Variants in GPATCH1 observed in about 807,000 individuals in gnomAD.
The protein encoded by GPATCH1 is G-patch domain containing 1.
Under a neutral mutation model 114.9 loss-of-function variants are expected in GPATCH1, and 73 were observed. The ratio of observed to expected loss-of-function variants is 0.64; its 90% CI spans 0.53 to 0.77. GPATCH1 has a LOEUF of 0.77. GPATCH1 is among the 30% of genes least tolerant of loss of function. GPATCH1 has a pLI of 0.00. For missense variants in GPATCH1, 1,058 were observed against 1,144.3 expected, an observed-to-expected ratio of 0.92 and a Z score of 1.09; for synonymous variants, 391 against 428.4, an observed-to-expected ratio of 0.91 and a Z score of 1.08.
At chr19:33,125,497 G>A (rs1973031239) in intron 18 of GPATCH1, among the ~76,000 whole-genome samples, 1 of 150,712 alleles carries the variant, frequency 6.6e-6, no homozygotes. Context: ...CAATTCTCCT[G>A]CTTCAGCCTC....
intron 3 of GPATCH1, among the ~76,000 whole-genome samples, chr19:33,091,825 A>G (rs1403592300): frequency 2.0e-5 from 3 of 152,154 alleles, no homozygotes; most frequent in Non-Finnish European, 4.4e-5. Flanking sequence ...GAGGGAAGGA[A>G]GTCTCATTCT....
chr19:33,109,967 G>A lies in GPATCH1; in HGVS notation c.1536G>A (p.Lys512=). 1.2e-6 allele frequency: 2 copies of A among 1,614,026 alleles called. No individual in the cohort carries two copies. Among genetic ancestry groups the A allele is most frequent in the Non-Finnish European group, 1.7e-6 (2 of 1,179,972 alleles). The change falls in exon 11 of 20, where the codon AAG becomes AAA. Residue 512 remains lysine, a synonymous_variant. Transcript: ENST00000170564. ...NFKPFAKDPE[K]QKRYDEFLVH... ...AGCCTTTCGCCAAAGATCCGGAAAAGCAAAAGCGATACGACGAGTTCTTAG... is the reference window on the plus strand; with the variant it reads ...AGCCTTTCGCCAAAGATCCGGAAAAACAAAAGCGATACGACGAGTTCTTAG...
At chr19:33,108,444 C>T (rs1386097986) in intron 10 of GPATCH1, among the ~76,000 whole-genome samples, 1 of 152,138 alleles carries the variant, frequency 6.6e-6, no homozygotes, top group African/African-American at 2.4e-5. Flanking sequence ...ATGACACTGC[C>T]TAAGGGCCTT....
Position 33,096,308 on chromosome 19 carries a change from C to T in GPATCH1, c.714C>T (p.Tyr238=). 2 of 1,614,110 alleles carry T rather than the reference C, an allele frequency of 1.2e-6. No homozygotes were observed. Among genetic ancestry groups the T allele is most frequent in the Non-Finnish European group, 1.7e-6 (2 of 1,179,998 alleles). Residue 238 remains tyrosine, a synonymous_variant, in exon 7 of 20, where the codon TAC becomes TAT. Coordinates refer to ENST00000170564, the MANE Select transcript of GPATCH1 (RefSeq NM_018025.3). ...AAGATAATGTGCATGGTCTAGCTTACAAGGGCCTGGATCCCCACCAGGCAC... is the reference window on the plus strand; with the variant it reads ...AAGATAATGTGCATGGTCTAGCTTATAAGGGCCTGGATCCCCACCAGGCAC... ...TPKDNVHGLA[Y]KGLDPHQALF...
chr19:33,112,359 G>A, intron 12 of GPATCH1, 127 bp from the exon 13 acceptor site: 2 of 980,144 alleles, frequency 2.0e-6, no homozygotes. Context: ...CCAATGTACT[G>A]GAGCATAAAT....
intron 1 of GPATCH1, among the ~76,000 whole-genome samples, chr19:33,083,497 C>T (rs534095097): frequency 4.0e-5 from 6 of 149,360 alleles, no homozygotes; most frequent in Non-Finnish European, 7.4e-5. Flanking sequence ...CAGGTTCAAG[C>T]GATTCTCCTG....
chr19:33,083,016 A>G (rs1972495230), intron 1 of GPATCH1, among the ~76,000 whole-genome samples: 1 of 151,908 alleles, frequency 6.6e-6, no homozygotes, highest in Non-Finnish European at 1.5e-5. Context: ...AGGCGGGCAG[A>G]TCGCGAATTC....
At chr19:33,119,285 GT>G in intron 17 of GPATCH1, among the ~76,000 whole-genome samples, 168 bp downstream of exon 17, 1 of 152,172 alleles carries the variant, frequency 6.6e-6, no homozygotes, top group East Asian at 1.9e-4. Flanking sequence ...AATGATAGTT[GT>G]TTCTATACAC....
chr19:33,111,865 A>T lies in GPATCH1; in HGVS notation c.1727A>T (p.Asp576Val), dbSNP rs1972859393. Reference sequence around the variant, plus strand: ...AGGTTCACTCACGCCAAGGAGGAGGATGACTCAGATCAGGTTGAAGTCCCT... The same window carrying T: ...AGGTTCACTCACGCCAAGGAGGAGGTTGACTCAGATCAGGTTGAAGTCCCT... ...SSRFTHAKEE[D>V]DSDQVEVPRD... Residue 576 changes from aspartate (D) to valine (V), a missense_variant, in exon 12 of 20, where the codon GAT (aspartate) becomes GTT (valine). By Grantham distance (152) the Asp-to-Val change is radical. Around this residue, in one of 3 missense-constraint regions of GPATCH1, gnomAD observed 893 missense variants for 977.4 expected, o/e 0.91. Transcript: ENST00000170564. 6.2e-7 allele frequency: 1 copy of T among 1,613,984 alleles called. No individual in the cohort carries two copies. Among genetic ancestry groups the T allele is most frequent in the African/African-American group, 1.3e-5 (1 of 74,938 alleles).
intron 1 of GPATCH1, among the ~76,000 whole-genome samples, chr19:33,081,971 G>A (rs1307574846): frequency 1.5e-5 from 2 of 129,734 alleles, no homozygotes; most frequent in African/African-American, 5.7e-5. Context: ...GCCTCCCAAA[G>A]TGCAGGGATT....
At chr19:33,125,055 C>T (rs1973024607) in intron 17 of GPATCH1, 50 bp from the exon 18 acceptor site, 2 of 1,552,282 alleles carry the variant, frequency 1.3e-6, no homozygotes, top group Middle Eastern at 1.7e-4. Context: ...TTTGGATAGT[C>T]TTTGTTTTCG....
intron 4 of GPATCH1, among the ~76,000 whole-genome samples, chr19:33,093,951 C>T (rs896236202): frequency 1.3e-5 from 2 of 152,110 alleles, no homozygotes; most frequent in African/African-American, 4.8e-5. Flanking sequence ...CGTAAAGGCC[C>T]AGGAGAAAGG....
At chr19:33,108,439 A>C (rs1183001211) in intron 10 of GPATCH1, among the ~76,000 whole-genome samples, 1 of 150,656 alleles carries the variant, frequency 6.6e-6, no homozygotes, top group East Asian at 1.9e-4. Flanking sequence ...CATCCATGAC[A>C]CTGCCTAAGG....
intron 19 of GPATCH1, among the ~76,000 whole-genome samples, chr19:33,129,420 A>G (rs1259889975): frequency 2.1e-5 from 3 of 145,490 alleles, no homozygotes; most frequent in Admixed American, 2.1e-4. Flanking sequence ...AAAAAAATTA[A>G]AAAAAAAAAA....
Position 33,111,878 on chromosome 19 carries a change from G to A in GPATCH1, c.1740G>A (p.Gln580=). Residue 580 remains glutamine (Q), a synonymous_variant, in exon 12 of 20, where the codon CAG becomes CAA. Transcript: ENST00000170564. ...CCAAGGAGGAGGATGACTCAGATCA[G>A]GTTGAAGTCCCTCGAGACCAAGAGG... The part of the protein sequence containing the change: ...THAKEEDDSD[Q]VEVPRDQEND... 1 of 1,614,100 alleles carries A rather than the reference G, an allele frequency of 6.2e-7. No homozygotes were observed. The highest frequency in any genetic ancestry group is 8.5e-7 in the Non-Finnish European group (1 of 1,179,946).
At chr19:33,089,635 T>TC (rs397859400) in intron 2 of GPATCH1, among the ~76,000 whole-genome samples, 1 of 151,576 alleles carries the variant, frequency 6.6e-6, no homozygotes, top group Admixed American at 6.6e-5. Context: ...TTTTTTTTTT[T>TC]CCTGAGATGT....
chr19:33,119,374 A>G (rs1023845968), intron 17 of GPATCH1, among the ~76,000 whole-genome samples: 1 of 152,036 alleles, frequency 6.6e-6, no homozygotes, highest in Non-Finnish European at 1.5e-5. Flanking sequence ...AAGTTTTGTT[A>G]TAGAAATATA....
At position 33,113,921 on chromosome 19, in the gene GPATCH1, G is replaced by A. The variant is rs376674367; in HGVS notation, c.2029+18G>A. On this transcript the variant is annotated intron_variant, in intron 14 of 19. Coordinates refer to ENST00000170564, the MANE Select transcript of GPATCH1 (RefSeq NM_018025.3). ...TCCCGACAGTGAGTAGGGCGTCCCC[G>A]GGGTCTCTGATTGACCAGGGCCTCA... 19 of 1,611,564 alleles carry A rather than the reference G, an allele frequency of 1.2e-5. No individual in the cohort carries two copies. The highest frequency in any genetic ancestry group is 2.2e-5 in the South Asian group (2 of 90,864).
chr19:33,094,743 A>C (rs938893437), intron 5 of GPATCH1, among the ~76,000 whole-genome samples: 6 of 152,088 alleles, frequency 3.9e-5, no homozygotes, highest in Admixed American at 3.3e-4. Flanking sequence ...TCTTGCCCTG[A>C]GTCTCCCCAG....
Sources: allele counts gnomAD v4.1 joint callset (sites outside exome capture counted in the v4.1 genomes callset), GRCh38; gene constraint gnomAD v4.1.1; regional missense constraint gnomAD v4.1.1; transcripts MANE v1.5; gene names NCBI Gene and HGNC (gene_info 2026-07-23, HGNC 2026-07-21).